The following TMEM17 variants were observed in gnomAD, a reference collection of about 807,000 sequenced individuals.
TMEM17 encodes transmembrane protein 17.
In TMEM17, 15 loss-of-function variants were observed where a neutral mutation model predicts 19.1. The ratio of observed to expected loss-of-function variants is 0.78; its 90% confidence interval spans 0.52 to 1.21. The LOEUF is 1.21. Among genes scored for constraint, TMEM17 ranks in the 50% most tolerant of loss-of-function variants. The pLI is 0.00. For synonymous variants in TMEM17, 103 were observed against 86.9 expected (o/e 1.19, Z -1.03); for missense variants, 245 against 242.3 (o/e 1.01, Z -0.07).
chr2:62,506,151 AC>A lies in TMEM17; in HGVS notation c.-23del. ...CCATGCCTGGGCCTCAGTATCCCTC[AC>A]CCCCTCAGACACGGGCTAGTCTGCG... is the stretch of plus-strand genomic sequence containing the variant. On this transcript the variant is annotated 5_prime_UTR_variant, in exon 1 of 4. Coordinates refer to ENST00000335390, the MANE Select transcript of TMEM17 (RefSeq NM_198276.3). 3 of 1,582,110 alleles carry A rather than the reference AC, an allele frequency of 1.9e-6. No homozygotes were observed. The highest frequency in any genetic ancestry group is 1.2e-5 in the South Asian group (1 of 86,804).
the TMEM17 span, among the ~76,000 whole-genome samples, chr2:62,482,034 A>C: frequency 6.6e-6 from 1 of 152,190 alleles, no homozygotes; most frequent in Non-Finnish European, 1.5e-5. Context: ...GAAGCTGAAG[A>C]AGGATCCAGG....
chr2:62,455,415 T>C, the TMEM17 span, among the ~76,000 whole-genome samples: 288 of 152,376 alleles, frequency 1.9e-3, 1 homozygote, highest in African/African-American at 6.5e-3. Flanking sequence ...TGAACATTCA[T>C]AGCTTCTGTT....
the TMEM17 span, among the ~76,000 whole-genome samples, chr2:62,480,155 T>C: frequency 1.3e-5 from 2 of 152,180 alleles, no homozygotes; most frequent in East Asian, 3.8e-4. Flanking sequence ...ATTTCCCTGA[T>C]GATTAGTGAC....
the TMEM17 span, among the ~76,000 whole-genome samples, chr2:62,468,729 C>T: frequency 6.6e-6 from 1 of 152,172 alleles, no homozygotes; most frequent in Admixed American, 6.5e-5. Context: ...TGCAAGAAAC[C>T]AAGGATGCTT....
chr2:62,506,116 T>C lies in TMEM17; in HGVS notation c.14A>G (p.Asp5Gly), dbSNP rs758132094. ...GTTTCCCAGCCGCTGGCGCACCGGA[T>C]CCGGCAGCTCCATGCCTGGGCCTCA... MELP[D>G]PVRQRLGNFS... The change falls in exon 1 of 4, where the codon GAT (aspartate) becomes GGT (glycine). Residue 5 changes from aspartate (D) to glycine (G), a missense_variant. Asp to Gly is a moderately conservative substitution (Grantham distance 94). Transcript: ENST00000335390. The C allele has an allele frequency of 1.2e-6, 2 of 1,610,700 alleles. No homozygotes were observed. Among genetic ancestry groups the C allele is most frequent in the East Asian group, 2.2e-5 (1 of 44,480 alleles).
At chr2:62,463,796 C>G in the TMEM17 span, 1 of 152,232 alleles carries the variant, frequency 6.6e-6, no homozygotes, top group Non-Finnish European at 1.5e-5. Context: ...CTAAATCACC[C>G]ATGGCCCTGC....
At chr2:62,488,156 T>C in the TMEM17 span, among the ~76,000 whole-genome samples, 36 of 152,288 alleles carry the variant, frequency 2.4e-4, no homozygotes, top group East Asian at 6.2e-3. Flanking sequence ...ATTCAGATTG[T>C]ATGTTCACAC....
At chr2:62,479,281 T>G in the TMEM17 span, among the ~76,000 whole-genome samples, 1 of 152,190 alleles carries the variant, frequency 6.6e-6, no homozygotes. Context: ...TGAGATCAAC[T>G]TTTTCTTAGC....
the TMEM17 span, among the ~76,000 whole-genome samples, chr2:62,477,024 G>T: frequency 6.6e-6 from 1 of 152,136 alleles, no homozygotes; most frequent in Non-Finnish European, 1.5e-5. Context: ...ACTGGGGAGA[G>T]AGAGGGAAGG....
chr2:62,501,719 T>G, intron 3 of TMEM17: 1 of 470,412 alleles, frequency 2.1e-6, no homozygotes, highest in Non-Finnish European at 3.8e-6. Flanking sequence ...AGTGCAATAT[T>G]TAGAAGTACA....
chr2:62,497,801 T>C (rs1486845192), downstream of TMEM17, among the ~76,000 whole-genome samples: 2 of 152,220 alleles, frequency 1.3e-5, no homozygotes, highest in African/African-American at 4.8e-5. Flanking sequence ...GTTAATGCGC[T>C]AATCCTGGGA....
At chr2:62,454,695 T>G in the TMEM17 span, among the ~76,000 whole-genome samples, 2 of 152,174 alleles carry the variant, frequency 1.3e-5, no homozygotes, top group African/African-American at 4.8e-5. Flanking sequence ...CTTTATTTAT[T>G]TATGTATGTA....
the TMEM17 span, among the ~76,000 whole-genome samples, chr2:62,459,395 T>A: frequency 6.6e-6 from 1 of 152,252 alleles, no homozygotes; most frequent in African/African-American, 2.4e-5. Context: ...GTTGAGGCCT[T>A]TGTCCTCAGG....
the TMEM17 span, among the ~76,000 whole-genome samples, chr2:62,458,234 G>A: frequency 6.6e-6 from 1 of 152,234 alleles, no homozygotes; most frequent in African/African-American, 2.4e-5. Flanking sequence ...AAGGTGTCAA[G>A]TCCAGCTGAT....
chr2:62,478,703 T>C, the TMEM17 span, among the ~76,000 whole-genome samples: 1 of 152,224 alleles, frequency 6.6e-6, no homozygotes, highest in Admixed American at 6.5e-5. Context: ...TGTACTATGC[T>C]TCTGGTAGGT....
chr2:62,467,883 C>CTTT, the TMEM17 span, among the ~76,000 whole-genome samples: 3 of 135,094 alleles, frequency 2.2e-5, no homozygotes, highest in East Asian at 4.3e-4. Flanking sequence ...GCCATCTCTC[C>CTTT]TTTTTTTTTT....
chr2:62,461,861 G>T, the TMEM17 span, among the ~76,000 whole-genome samples: 2 of 152,240 alleles, frequency 1.3e-5, no homozygotes, highest in Non-Finnish European at 2.9e-5. Flanking sequence ...TGGGCTGAGA[G>T]CCCAGGATCA....
the TMEM17 span, among the ~76,000 whole-genome samples, chr2:62,494,143 G>A: frequency 1.3e-5 from 2 of 152,060 alleles, no homozygotes; most frequent in Admixed American, 6.5e-5. Flanking sequence ...TATCTTTTTC[G>A]TCCTGGAGTG....
chr2:62,497,083 T>C (rs960111376), downstream of TMEM17, among the ~76,000 whole-genome samples: 1 of 152,254 alleles, frequency 6.6e-6, no homozygotes, highest in Non-Finnish European at 1.5e-5. Flanking sequence ...AAGACCCTCC[T>C]AATATCTGTT....
Sources: gnomAD v4.1 joint callset for allele counts (sites outside exome capture counted in the v4.1 genomes callset) on GRCh38, gnomAD v4.1.1 for gene constraint, MANE v1.5 for transcripts, NCBI Gene and HGNC (gene_info 2026-07-23, HGNC 2026-07-21) for gene names.